CAMTA1: variants seen among roughly 807,000 people sequenced by gnomAD.
The protein encoded by CAMTA1 is calmodulin-binding transcription activator 1.
A neutral mutation model predicts 170.9 loss-of-function variants in CAMTA1; 27 were observed. That is an observed-to-expected ratio of 0.16 (90% CI 0.12 to 0.22). The LOEUF (loss-of-function observed/expected upper bound fraction) is 0.22, where lower values mean the gene tolerates loss of function less well. Among genes scored for constraint, CAMTA1 ranks in the 10% least tolerant of loss-of-function variants. The pLI, the probability that CAMTA1 is intolerant of heterozygous loss-of-function variation, is 1.00. For missense variants in CAMTA1, 1,619 were observed against 2,217.2 expected (o/e 0.73, Z 5.42); for synonymous variants, 833 against 891.5 (o/e 0.93, Z 1.17).
intron 5 of CAMTA1, among the ~76,000 whole-genome samples, chr1:7,323,394 C>T (rs1325611152): frequency 7.2e-5 from 11 of 151,914 alleles, no homozygotes; most frequent in Non-Finnish European, 1.2e-4. Context: ...GTCTTTGCTC[C>T]GAGTTTACCT....
intron 5 of CAMTA1, among the ~76,000 whole-genome samples, chr1:7,272,692 C>CA (rs371588178): frequency 0.12 from 4,673 of 38,582 alleles, 575 homozygotes; most frequent in Middle Eastern, 0.23. Context: ...TAAACACATG[C>CA]AAAAAAAAAA....
intron 3 of CAMTA1, among the ~76,000 whole-genome samples, chr1:7,085,910 C>T (rs543648996): frequency 6.6e-6 from 1 of 152,298 alleles, no homozygotes; most frequent in African/African-American, 2.4e-5. Context: ...CAGGCAGTGA[C>T]ACCAGGTGCA....
chr1:6,996,359 T>A (rs1158594457), intron 3 of CAMTA1, among the ~76,000 whole-genome samples: 2 of 152,242 alleles, frequency 1.3e-5, no homozygotes, highest in African/African-American at 2.4e-5. Flanking sequence ...GATACTTCGC[T>A]GAGTTCAAAC....
chr1:7,238,736 T>C (rs1182493449), intron 4 of CAMTA1, among the ~76,000 whole-genome samples: 1 of 152,070 alleles, frequency 6.6e-6, no homozygotes, highest in Non-Finnish European at 1.5e-5. Context: ...ATACAAAAAT[T>C]AGCGGGGCGT....
At chr1:7,422,289 C>A (rs751886011) in intron 5 of CAMTA1, among the ~76,000 whole-genome samples, 2 of 152,088 alleles carry the variant, frequency 1.3e-5, no homozygotes, top group Non-Finnish European at 2.9e-5. Context: ...ATGCAAGAGG[C>A]TCAGAGGAAA....
intron 3 of CAMTA1, among the ~76,000 whole-genome samples, chr1:7,020,591 T>G (rs1170577148): frequency 1.3e-5 from 2 of 152,246 alleles, no homozygotes; most frequent in Admixed American, 6.5e-5. Context: ...ACAAATGATT[T>G]CTGACCACCC....
intron 11 of CAMTA1, among the ~76,000 whole-genome samples, chr1:7,683,111 C>G (rs376449722): frequency 6.7e-5 from 10 of 149,994 alleles, no homozygotes; most frequent in Admixed American, 2.7e-4. Context: ...GGAGGCGGAG[C>G]TTGCAGCAAG....
At chr1:7,111,902 A>C (rs899630007) in intron 4 of CAMTA1, among the ~76,000 whole-genome samples, 1 of 151,432 alleles carries the variant, frequency 6.6e-6, no homozygotes, top group Non-Finnish European at 1.5e-5. Context: ...AAAAAAAAAA[A>C]AAAAAAAAAA....
At chr1:7,072,608 C>T (rs921994330) in intron 3 of CAMTA1, among the ~76,000 whole-genome samples, 5 of 152,056 alleles carry the variant, frequency 3.3e-5, no homozygotes, top group African/African-American at 7.2e-5. Context: ...GCAGGACTAT[C>T]GACTGTGGAG....
chr1:7,734,553 AAT>A (rs1466049037), intron 12 of CAMTA1, among the ~76,000 whole-genome samples: 2 of 141,426 alleles, frequency 1.4e-5, no homozygotes, highest in African/African-American at 5.1e-5. Context: ...AAAAAAAAAA[AAT>A]TCCCTTTTCG....
intron 5 of CAMTA1, among the ~76,000 whole-genome samples, chr1:7,326,608 A>T (rs546788280): frequency 6.6e-6 from 1 of 152,350 alleles, no homozygotes; most frequent in South Asian, 2.1e-4. Context: ...GAGTGGAATG[A>T]TGCAACTCAA....
chr1:7,457,463 C>CTAGGGGACTACTAGGT (rs2092985239), intron 5 of CAMTA1, among the ~76,000 whole-genome samples: 1 of 152,104 alleles, frequency 6.6e-6, no homozygotes, highest in South Asian at 2.1e-4. Flanking sequence ...TGCCAGCCTC[C>CTAGGGGACTACTAGGT]TAGGGGACTA....
chr1:7,503,634 C>T (rs1343145571), intron 6 of CAMTA1, among the ~76,000 whole-genome samples: 1 of 152,210 alleles, frequency 6.6e-6, no homozygotes, highest in Non-Finnish European at 1.5e-5. Flanking sequence ...CATAAGACGC[C>T]TGGTGGTGAG....
intron 11 of CAMTA1, among the ~76,000 whole-genome samples, chr1:7,726,285 C>T (rs1354157178): frequency 2.6e-5 from 4 of 151,998 alleles, no homozygotes; most frequent in East Asian, 3.9e-4. Context: ...TTTATAGTTT[C>T]GCTGGGGAGG....
At chr1:7,553,795 C>T (rs1434688885) in intron 6 of CAMTA1, among the ~76,000 whole-genome samples, 1 of 90,474 alleles carries the variant, frequency 1.1e-5, no homozygotes, top group African/African-American at 3.3e-5. Context: ...GAAGGGAGGT[C>T]GTGCTCTGCA....
intron 4 of CAMTA1, among the ~76,000 whole-genome samples, chr1:7,169,245 T>C (rs902532875): frequency 3.3e-5 from 5 of 152,192 alleles, no homozygotes. Context: ...CTTCTATATT[T>C]CTTTTCTCAT....
chr1:7,493,513 A>G lies in CAMTA1; in HGVS notation c.510+25612A>G, dbSNP rs137894840. ...CACACATAACCATACAAACACACAC[A>G]CGCGCAGGGGCACACATAAGAAAGT... On this transcript the variant is annotated intron_variant, in intron 6 of 22. Transcript: ENST00000303635. Among the ~76,000 whole-genome samples the G allele has an allele frequency of 3.2e-3, 480 of 152,294 alleles. 6 individuals are homozygous for G. The highest frequency in any genetic ancestry group is 0.01 in the African/African-American group (435 of 41,570).
At position 6,970,176 on chromosome 1, in the gene CAMTA1, A is replaced by G. The variant is rs1386467206; in HGVS notation, c.235-121128A>G. On this transcript the variant is annotated intron_variant, in intron 3 of 22. Transcript: ENST00000303635. The surrounding 1 kb of genome is among the most constrained non-coding windows in gnomAD (Gnocchi z 4.4). ...TTATAAAATTATATAATAATCTTCC[A>G]GAAATTGAGGGACATGGAAAGAAAA... 6.6e-6 allele frequency among the ~76,000 whole-genome samples: 1 copy of G among 152,234 alleles called. No individual in the cohort carries two copies. Among genetic ancestry groups the G allele is most frequent in the African/African-American group, 2.4e-5 (1 of 41,454 alleles).
At chr1:7,131,464 CAT>C (rs1338835150) in intron 4 of CAMTA1, among the ~76,000 whole-genome samples, 2 of 151,054 alleles carry the variant, frequency 1.3e-5, no homozygotes, top group African/African-American at 4.9e-5. Flanking sequence ...TCAGGTCTAT[CAT>C]AGTTTCAAGT....
Sources: gnomAD v4.1 joint callset for allele counts (sites outside exome capture counted in the v4.1 genomes callset) on GRCh38, gnomAD v4.1.1 for gene constraint, Gnocchi (gnomAD v3.1) non-coding constraint, MANE v1.5 for transcripts, NCBI Gene and HGNC (gene_info 2026-07-23, HGNC 2026-07-21) for gene names.